PDCD2: variants seen among roughly 807,000 people sequenced by gnomAD.
The protein encoded by PDCD2 is uS5 assembly chaperone PDCD2.
PDCD2 carries 38 observed loss-of-function variants against 38.1 expected under a neutral mutation model. The ratio of observed to expected loss-of-function variants is 1.00; its 90% confidence interval spans 0.77 to 1.31. The LOEUF (loss-of-function observed/expected upper bound fraction) is 1.31. PDCD2 is among the 50% of genes most tolerant of loss of function. The pLI, the probability that PDCD2 is intolerant of heterozygous loss-of-function variation, is 0.00. For missense variants in PDCD2, 473 were observed against 435.7 expected, an observed-to-expected ratio of 1.09 and a Z score of -0.76; for synonymous variants, 205 against 168.9, an observed-to-expected ratio of 1.21 and a Z score of -1.66.
Position 170,577,675 on chromosome 6 carries a change from C to G in PDCD2, c.919G>C (p.Gly307Arg). 6.2e-7 allele frequency: 1 copy of G among 1,613,424 alleles called. No individual in the cohort carries two copies. The highest frequency in any genetic ancestry group is 8.5e-7 in the Non-Finnish European group (1 of 1,179,980). The change falls in exon 6 of 6, where the codon GGC becomes CGC. Residue 307 changes from glycine to arginine, a missense_variant. Physicochemically the swap from Gly to Arg is moderately radical, Grantham distance 125. Transcript: ENST00000541970. ...AGGATGCCCCAGTCAATGCTCTTGC[C>G]CAGTCTGTCAGCCTTCAGGTAGTTT... ...LLNYLKADRL[G>R]KSIDWGILAV...
chr6:170,581,245 A>C (rs1779586374), intron 3 of PDCD2: 1 of 152,172 alleles, frequency 6.6e-6, no homozygotes, highest in African/African-American at 2.4e-5. Flanking sequence ...CTCTGAAGTA[A>C]ATTCCACACA....
rs984867531 is a variant in PDCD2, at chr6:170,578,785, T to C, written c.876+72A>G. On this transcript the variant is annotated intron_variant, in intron 5 of 5. Transcript: ENST00000541970. ...TGTTGACCCATGTGCACAAATTACC[T>C]TGGTGAAGTTTTTAATGTTTAAAAA... 7.3e-6 allele frequency: 7 copies of C among 952,436 alleles called. No individual in the cohort carries two copies. In the African/African-American group the frequency reaches 9.7e-5, roughly 13 times the overall value. The allele number at this position is 952,436 out of a possible 1,614,324, so 59.0% of individuals were successfully genotyped here. A position where few individuals can be genotyped will look rare whatever the true frequency, so the allele number is the denominator to read the frequency against.
chr6:170,583,564 C>G lies in PDCD2; in HGVS notation c.467G>C (p.Ser156Thr). 6.2e-7 allele frequency: 1 copy of G among 1,613,804 alleles called. No individual in the cohort carries two copies. Among genetic ancestry groups the G allele is most frequent in the Non-Finnish European group, 8.5e-7 (1 of 1,179,742 alleles). Residue 156 changes from serine (S) to threonine (T), a missense_variant, in exon 2 of 6, where the codon AGC becomes ACC. Coordinates refer to ENST00000541970, the MANE Select transcript of PDCD2 (RefSeq NM_002598.4). ...CSRCHKAYYCSKEHQTLDWRL... is the reference protein window; with the variant it reads ...CSRCHKAYYCTKEHQTLDWRL... ...CCAGTCTAGGGTCTGATGCTCCTTG[C>G]TGCAGTAATATGCTTTGTGGCATCT...
At position 170,575,904 on chromosome 6, in the gene PDCD2, T is replaced by C. The variant is rs1363216425; in HGVS notation, c.*1655A>G. On this transcript the variant is annotated 3_prime_UTR_variant, in exon 6 of 6. Transcript: ENST00000541970. ...TAGAAAGATCGTTAACATGTTTGCT[T>C]TAAAAGTCATTAGCAGTCATAACGT... 6.6e-6 allele frequency: 1 copy of C among 152,212 alleles called. No individual in the cohort carries two copies. The highest frequency in any genetic ancestry group is 1.5e-5 in the Non-Finnish European group (1 of 68,038). 9.4% of individuals were successfully genotyped at this position (152,212 alleles called of 1,614,324 possible).
chr6:170,583,490 A>G lies in PDCD2; in HGVS notation c.526+15T>C, dbSNP rs770767156. 1 of 1,594,780 alleles carries G rather than the reference A, an allele frequency of 6.3e-7. No individual in the cohort carries two copies. The highest frequency in any genetic ancestry group is 2.3e-5 in the East Asian group (1 of 44,432). On this transcript the variant is annotated intron_variant, in intron 2 of 5. Transcript: ENST00000541970. ...CGATGAAACTGAACTGAGACTTAAAAAAAAGATTACCCACCTGGTTGTGCA... is the reference window on the plus strand; with the variant it reads ...CGATGAAACTGAACTGAGACTTAAAGAAAAGATTACCCACCTGGTTGTGCA...
chr6:170,577,709 A>G lies in PDCD2; in HGVS notation c.885T>C (p.Pro295=), dbSNP rs1418982544. The change falls in exon 6 of 6, where the codon CCT becomes CCC. Residue 295 remains proline (P), a synonymous_variant. Transcript: ENST00000541970. ...AKRILEFQVM[P]QLLNYLKADR... Reference sequence around the variant, plus strand: ...CAGCCTTCAGGTAGTTTAGGAGCTGAGGCATGACCTGAGAAGAGGGTGACA... The same window carrying G: ...CAGCCTTCAGGTAGTTTAGGAGCTGGGGCATGACCTGAGAAGAGGGTGACA... 6.2e-7 allele frequency: 1 copy of G among 1,612,624 alleles called. No individual in the cohort carries two copies. Among genetic ancestry groups the G allele is most frequent in the South Asian group, 1.1e-5 (1 of 90,984 alleles).
Position 170,577,513 on chromosome 6 carries a change from C to T in PDCD2, c.*46G>A. 6.7e-7 allele frequency: 1 copy of T among 1,499,950 alleles called. No individual in the cohort carries two copies. The highest frequency in any genetic ancestry group is 1.8e-4 in the Middle Eastern group (1 of 5,538). 92.9% of individuals were successfully genotyped at this position (1,499,950 alleles called of 1,614,324 possible). On this transcript the variant is annotated 3_prime_UTR_variant, in exon 6 of 6. Transcript: ENST00000541970. ...GGATAAAATCCCAGAAATGGAATTGCAAGGTATAAAAGATTATTAACATTT... is the reference window on the plus strand; with the variant it reads ...GGATAAAATCCCAGAAATGGAATTGTAAGGTATAAAAGATTATTAACATTT...
At position 170,576,487 on chromosome 6, in the gene PDCD2, A is replaced by G. The variant is rs185589820; in HGVS notation, c.*1072T>C. Reference sequence around the variant, plus strand: ...GCCGTCAGTATTCAAGCACTGATCAACAGCAATGTGTCTTAAGGGCAGGCA... The same window carrying G: ...GCCGTCAGTATTCAAGCACTGATCAGCAGCAATGTGTCTTAAGGGCAGGCA... On this transcript the variant is annotated 3_prime_UTR_variant, in exon 6 of 6. Transcript: ENST00000541970. The G allele has an allele frequency of 3.6e-4, 55 of 152,358 alleles. No individual in the cohort carries two copies. Among genetic ancestry groups the G allele is most frequent in the Admixed American group, 3.1e-3 (48 of 15,304 alleles). 9.4% of individuals were successfully genotyped at this position (152,358 alleles called of 1,614,324 possible).
rs373003016 is a variant in PDCD2, at chr6:170,580,118, C to T, written c.659-13G>A. On this transcript the variant is annotated splice_polypyrimidine_tract_variant and intron_variant, in intron 3 of 5. Transcript: ENST00000541970. ...TCAAGTGCTTCACCTGAAAAATCAA[C>T]GTAACTATTATGAAAAACAGGAGTA... 36 of 1,510,282 alleles carry T rather than the reference C, an allele frequency of 2.4e-5. No homozygotes were observed. The highest frequency in any genetic ancestry group is 1.7e-4 in the Middle Eastern group (1 of 5,862). The allele number at this position is 1,510,282 out of a possible 1,614,324, so 93.6% of individuals were successfully genotyped here.
intron 1 of PDCD2, 40 bp downstream of exon 1, chr6:170,584,259 C>G: frequency 1.5e-6 from 2 of 1,364,738 alleles, no homozygotes; most frequent in Non-Finnish European, 1.9e-6. Flanking sequence ...GCGCACGCGT[C>G]GGAGGCATGG....
Position 170,583,171 on chromosome 6 carries a change from T to C in PDCD2, c.544A>G (p.Ile182Val). Residue 182 changes from isoleucine (I) to valine (V), a missense_variant, in exon 3 of 6, where the codon ATT becomes GTT. By Grantham distance (29) the Ile-to-Val change is conservative. Transcript: ENST00000541970. Reference protein sequence around the residue: ...CAQPDHLDHIIPDHNFLFPEF... With the variant: ...CAQPDHLDHIVPDHNFLFPEF... The stretch of plus-strand genomic sequence containing the variant: ...GGAAAAAGGAAGTTGTGGTCTGGAA[T>C]TATATGGTCCAGATGATCTGAAACA... The C allele has an allele frequency of 6.2e-7, 1 of 1,608,216 alleles. No homozygotes were observed. Among genetic ancestry groups the C allele is most frequent in the Non-Finnish European group, 8.5e-7 (1 of 1,175,680 alleles).
intron 2 of PDCD2, 105 bp downstream of exon 2, chr6:170,583,400 A>T (rs74322750): frequency 1.1e-5 from 13 of 1,206,998 alleles, no homozygotes; most frequent in African/African-American, 1.6e-5. Context: ...GAAAAATTTT[A>T]AAGTACTATA....
At chr6:170,579,940 G>T in intron 4 of PDCD2, 62 bp downstream of exon 4, 1 of 874,864 alleles carries the variant, frequency 1.1e-6, no homozygotes, top group South Asian at 1.3e-5. Flanking sequence ...ATTTCTTACA[G>T]ATTATACTCA....
Position 170,578,432 on chromosome 6 carries a change from T to G in PDCD2, c.876+425A>C, listed in dbSNP as rs1452229433. 6 of 566,878 alleles carry G rather than the reference T, an allele frequency of 1.1e-5. No homozygotes were observed. The East Asian group carries it at 1.2e-4, about 11-fold the overall frequency. 35.1% of individuals were successfully genotyped at this position (566,878 alleles called of 1,614,324 possible). ...ATTTATCTTTAATGCTTATATCCAT[T>G]TTTTCTAACAAATCCACAAACCAAG... On this transcript the variant is annotated intron_variant, in intron 5 of 5. Coordinates refer to ENST00000541970, the MANE Select transcript of PDCD2 (RefSeq NM_002598.4).
intron 2 of PDCD2, 76 bp downstream of exon 2, chr6:170,583,429 T>G: frequency 1.3e-6 from 2 of 1,505,490 alleles, no homozygotes; most frequent in Non-Finnish European, 9.0e-7. Flanking sequence ...AATTTTACCT[T>G]TAAAGTTGTC....
rs920058368 is a variant in PDCD2, at chr6:170,575,682, T to C, written c.*1877A>G. 1 of 152,230 alleles carries C rather than the reference T, an allele frequency of 6.6e-6. No homozygotes were observed. The highest frequency in any genetic ancestry group is 1.5e-5 in the Non-Finnish European group (1 of 68,036). The allele number at this position is 152,230 out of a possible 1,614,324, so 9.4% of individuals were successfully genotyped here. ...CAGATGCCAAGTCGGTGCTGTGAGA[T>C]TTTCTTTCTGGTGATTTGGACCAGT... On this transcript the variant is annotated 3_prime_UTR_variant, in exon 6 of 6. Transcript: ENST00000541970.
intron 3 of PDCD2, chr6:170,582,756 G>A (rs1358298036): frequency 5.1e-5 from 64 of 1,266,622 alleles, no homozygotes; most frequent in South Asian, 3.2e-4. Context: ...ACACTATCCC[G>A]ACCCGAGAAA....
rs76108444 is a variant in PDCD2 at position 170,583,685 on chromosome 6, G to T, written c.346C>A (p.Pro116Thr). 6.2e-7 allele frequency: 1 copy of T among 1,613,208 alleles called. No homozygotes were observed. Among genetic ancestry groups the T allele is most frequent in the East Asian group, 2.2e-5 (1 of 44,876 alleles). The change falls in exon 2 of 6, where the codon CCT becomes ACT. Residue 116 changes from proline (P) to threonine (T), a missense_variant. Coordinates refer to ENST00000541970, the MANE Select transcript of PDCD2 (RefSeq NM_002598.4). ...ACTGATTCTCCTGTTTCTGGGGGAG[G>T]ATTCTCAGAAGGTGGCTCATATGAG... ...FYSYEPPSEN[P>T]PPETGESVCL...
chr6:170,580,271 T>C (rs1245388236), intron 3 of PDCD2, among the ~76,000 whole-genome samples, 166 bp from the exon 4 acceptor site: 1 of 152,266 alleles, frequency 6.6e-6, no homozygotes, highest in Non-Finnish European at 1.5e-5. Context: ...CTCTATTATA[T>C]GGACTTCCAT....
Sources: gnomAD v4.1 joint callset for allele counts (sites outside exome capture counted in the v4.1 genomes callset) on GRCh38, gnomAD v4.1.1 for gene constraint, MANE v1.5 for transcripts, NCBI Gene and HGNC (gene_info 2026-07-23, HGNC 2026-07-21) for gene names.